SLC16A12: variants seen among roughly 807,000 people sequenced by gnomAD.
The protein encoded by SLC16A12 is solute carrier family 16 member 12, also known as monocarboxylate transporter 12.
SLC16A12 carries 17 observed loss-of-function variants against 42.4 expected under a neutral mutation model. The ratio of observed to expected loss-of-function variants is 0.40; its 90% CI spans 0.27 to 0.60. SLC16A12 has a LOEUF of 0.60. Ranked by LOEUF, SLC16A12 falls within the 20% of genes least tolerant of loss-of-function variation. The probability of loss-of-function intolerance (pLI) is 0.42; values close to 1 mark genes in which losing one functional copy is unlikely to be tolerated. For missense variants in SLC16A12, 544 were observed against 623.0 expected (o/e 0.87, Z 1.35); for synonymous variants, 224 against 229.4 (o/e 0.98, Z 0.21).
intron 2 of SLC16A12, among the ~76,000 whole-genome samples, chr10:89,518,945 A>G (rs1843302885): frequency 6.6e-6 from 1 of 152,198 alleles, no homozygotes; most frequent in African/African-American, 2.4e-5. Context: ...TACTCAATAT[A>G]TATTATATAC....
intron 2 of SLC16A12, among the ~76,000 whole-genome samples, chr10:89,540,862 G>A (rs1843710670): frequency 6.6e-6 from 1 of 151,038 alleles, no homozygotes; most frequent in South Asian, 2.1e-4. Flanking sequence ...GAAAACCGAA[G>A]TAAAAAATCT....
chr10:89,554,709 A>T (rs1477023594), intron 2 of SLC16A12, among the ~76,000 whole-genome samples: 1 of 152,184 alleles, frequency 6.6e-6, no homozygotes, highest in Admixed American at 6.5e-5. Flanking sequence ...GAGAGAAAGA[A>T]GAAAACTGTA....
chr10:89,456,451 T>C (rs1024898365), intron 3 of SLC16A12, among the ~76,000 whole-genome samples: 1 of 152,176 alleles, frequency 6.6e-6, no homozygotes, highest in Non-Finnish European at 1.5e-5. Context: ...GCTTTTTAAG[T>C]ATCAACCCAA....
At chr10:89,455,471 A>C (rs1019435179) in intron 3 of SLC16A12, among the ~76,000 whole-genome samples, 1 of 152,226 alleles carries the variant, frequency 6.6e-6, no homozygotes. Flanking sequence ...AGCAGGCTTA[A>C]CAAAGGCAAA....
intron 3 of SLC16A12, among the ~76,000 whole-genome samples, chr10:89,456,871 G>C (rs1484645951): frequency 6.6e-6 from 1 of 152,072 alleles, no homozygotes; most frequent in Non-Finnish European, 1.5e-5. Context: ...TCCCTGCAAA[G>C]GACATGATCT....
intron 2 of SLC16A12, among the ~76,000 whole-genome samples, chr10:89,547,010 A>G (rs1416635625): frequency 1.3e-5 from 2 of 152,196 alleles, no homozygotes; most frequent in Non-Finnish European, 2.9e-5. Flanking sequence ...AGGGAGGGGA[A>G]CAACACACAC....
intron 2 of SLC16A12, among the ~76,000 whole-genome samples, chr10:89,509,095 A>G (rs1564594075): frequency 6.6e-6 from 1 of 152,198 alleles, no homozygotes; most frequent in Non-Finnish European, 1.5e-5. Context: ...AAATTAAGGC[A>G]ATAATTAATA....
At chr10:89,473,402 T>A (rs1195977412) in intron 2 of SLC16A12, among the ~76,000 whole-genome samples, 1 of 152,176 alleles carries the variant, frequency 6.6e-6, no homozygotes, top group African/African-American at 2.4e-5. Context: ...ACTCCATTTA[T>A]ACCAAACCTA....
chr10:89,434,162 T>C (rs1338367474), intron 7 of SLC16A12, among the ~76,000 whole-genome samples: 2 of 152,220 alleles, frequency 1.3e-5, no homozygotes, highest in Non-Finnish European at 2.9e-5. Context: ...CAAAATTTCC[T>C]GAATTTAAAC....
upstream of SLC16A12, among the ~76,000 whole-genome samples, chr10:89,535,819 C>T (rs895003333): frequency 4.6e-5 from 7 of 151,622 alleles, no homozygotes; most frequent in Admixed American, 1.3e-4. Context: ...GGGCGGGGAG[C>T]GGACTGGGCG....
chr10:89,444,095 A>C (rs138305263), intron 3 of SLC16A12, among the ~76,000 whole-genome samples: 1 of 152,212 alleles, frequency 6.6e-6, no homozygotes, highest in Non-Finnish European at 1.5e-5. Context: ...CTACTGCTCT[A>C]AGGAAGGTTT....
At chr10:89,547,194 C>T (rs1843746758) in intron 2 of SLC16A12, among the ~76,000 whole-genome samples, 1 of 152,104 alleles carries the variant, frequency 6.6e-6, no homozygotes, top group Non-Finnish European at 1.5e-5. Context: ...TGCCTACAGA[C>T]CTTGAATATG....
intron 2 of SLC16A12, among the ~76,000 whole-genome samples, chr10:89,554,070 A>AGG (rs1843789040): frequency 2.6e-5 from 3 of 114,176 alleles, no homozygotes; most frequent in African/African-American, 1.0e-4. Flanking sequence ...GAAAGAAAGA[A>AGG]AGAAAGAAAG....
intron 7 of SLC16A12, 118 bp from the exon 8 acceptor site, chr10:89,433,444 T>A: frequency 1.8e-6 from 2 of 1,083,444 alleles, no homozygotes; most frequent in Non-Finnish European, 2.7e-6. Context: ...CAATTGTAAC[T>A]TTGAAACAAA....
At chr10:89,489,420 A>G (rs1265465084) in intron 2 of SLC16A12, among the ~76,000 whole-genome samples, 1 of 151,932 alleles carries the variant, frequency 6.6e-6, no homozygotes, top group Non-Finnish European at 1.5e-5. Flanking sequence ...GCTCACTGCA[A>G]CCTCTGTCTC....
intron 2 of SLC16A12, among the ~76,000 whole-genome samples, chr10:89,554,823 G>A (rs1396831239): frequency 6.6e-6 from 1 of 152,108 alleles, no homozygotes; most frequent in Non-Finnish European, 1.5e-5. Flanking sequence ...TAGCTATCTG[G>A]CCCCTCTAGC....
At chr10:89,434,882 G>A (rs138283945) in intron 7 of SLC16A12, among the ~76,000 whole-genome samples, 2 of 152,324 alleles carry the variant, frequency 1.3e-5, no homozygotes, top group African/African-American at 2.4e-5. Flanking sequence ...ACAGGTGGGA[G>A]TGTCAAGGAA....
chr10:89,456,429 A>C (rs1842190457), intron 3 of SLC16A12, among the ~76,000 whole-genome samples: 1 of 152,214 alleles, frequency 6.6e-6, no homozygotes, highest in South Asian at 2.1e-4. Context: ...TTGGACATTT[A>C]AATCAAACAT....
chr10:89,554,876 C>G (rs1589741139), intron 2 of SLC16A12, among the ~76,000 whole-genome samples: 1 of 152,170 alleles, frequency 6.6e-6, no homozygotes, highest in Non-Finnish European at 1.5e-5. Flanking sequence ...TCTAAGTCCC[C>G]TTTCATCTTC....
Sources: gnomAD v4.1 joint callset for allele counts (sites outside exome capture counted in the v4.1 genomes callset) on GRCh38, gnomAD v4.1.1 for gene constraint, MANE v1.5 for transcripts, NCBI Gene and HGNC (gene_info 2026-07-23, HGNC 2026-07-21) for gene names.